The following ORC3 variants were observed in gnomAD, a reference collection of about 807,000 sequenced individuals.
The protein encoded by ORC3 is homolog of latheo, Drosophila.
Under a neutral mutation model 100.7 loss-of-function variants are expected in ORC3, and 78 were observed. That is an observed-to-expected ratio of 0.77 (90% confidence interval 0.65 to 0.94). ORC3 has a LOEUF of 0.94. ORC3 is among the 40% of genes least tolerant of loss of function. The pLI, the probability that ORC3 is intolerant of heterozygous loss-of-function variation, is 0.00. For missense variants in ORC3, 789 were observed against 823.9 expected (o/e 0.96, Z 0.52); for synonymous variants, 295 against 289.3 (o/e 1.02, Z -0.20).
intron 2 of ORC3, among the ~76,000 whole-genome samples, chr6:87,601,485 A>G (rs1439327293): frequency 6.6e-6 from 1 of 152,186 alleles, no homozygotes; most frequent in East Asian, 1.9e-4. Flanking sequence ...AGCCTGGCCA[A>G]CATGGTGAAA....
At chr6:87,605,830 C>G in intron 4 of ORC3, 87 bp from the exon 5 acceptor site, 1 of 688,816 alleles carries the variant, frequency 1.5e-6, no homozygotes, top group Non-Finnish European at 2.5e-6. Flanking sequence ...AATGTTTTTA[C>G]TTGTTTGCTT....
downstream of ORC3, among the ~76,000 whole-genome samples, chr6:87,670,834 A>C (rs1349895318): frequency 6.6e-6 from 1 of 152,244 alleles, no homozygotes; most frequent in Non-Finnish European, 1.5e-5. Flanking sequence ...AGCAGGGCAG[A>C]GCACCAGGAT....
chr6:87,604,402 G>A (rs993881663), intron 4 of ORC3, among the ~76,000 whole-genome samples: 1 of 152,064 alleles, frequency 6.6e-6, no homozygotes, highest in Non-Finnish European at 1.5e-5. Context: ...ATAGTCCCAG[G>A]ACCACACTAA....
chr6:87,612,197 A>AGG lies in ORC3; in HGVS notation c.822_823insGG (p.Leu275GlyfsTer12). The AGG allele has an allele frequency of 6.2e-7, 1 of 1,612,992 alleles. No homozygotes were observed. The highest frequency in any genetic ancestry group is 2.2e-5 in the East Asian group (1 of 44,760). On this transcript the variant is annotated frameshift_variant, in exon 8 of 20. Coordinates refer to ENST00000392844, the MANE Select transcript of ORC3 (RefSeq NM_012381.4). LOFTEE classifies it high-confidence loss of function. ...CAGTATCATCTCTATTGTGCATAGA[A>AGG]CTGTTCCAATCTTTGTCTTGTAAGG... is the stretch of plus-strand genomic sequence containing the variant.
chr6:87,631,869 T>C (rs796129837), intron 11 of ORC3, among the ~76,000 whole-genome samples: 17 of 152,300 alleles, frequency 1.1e-4, no homozygotes, highest in African/African-American at 2.9e-4. Flanking sequence ...TTAAGAATTA[T>C]TGTTTTAAGG....
At chr6:87,592,750 C>T (rs1486049220) in intron 1 of ORC3, among the ~76,000 whole-genome samples, 1 of 152,060 alleles carries the variant, frequency 6.6e-6, no homozygotes, top group East Asian at 1.9e-4. Flanking sequence ...TCCTAGGTAT[C>T]GTTCTTTCAT....
chr6:87,677,559 TA>T, the ORC3 span, among the ~76,000 whole-genome samples: 1 of 152,152 alleles, frequency 6.6e-6, no homozygotes, highest in African/African-American at 2.4e-5. Context: ...CAAATTGAGG[TA>T]AACTACTAAC....
intron 16 of ORC3, among the ~76,000 whole-genome samples, chr6:87,661,200 C>T (rs1351209970): frequency 6.6e-6 from 1 of 152,084 alleles, no homozygotes; most frequent in Non-Finnish European, 1.5e-5. Context: ...GAAATAACTG[C>T]CTGAGGTTAG....
In ORC3 at chr6:87,605,916, G is replaced by T; in HGVS notation, c.323-1G>T. 1.3e-6 allele frequency: 2 copies of T among 1,519,676 alleles called. No homozygotes were observed. The highest frequency in any genetic ancestry group is 2.3e-5 in the South Asian group (2 of 87,646). The allele number at this position is 1,519,676 out of a possible 1,614,324, so 94.1% of individuals were successfully genotyped here. A position where few individuals can be genotyped will look rare whatever the true frequency, so the allele number is the denominator to read the frequency against. On this transcript the variant is annotated splice_acceptor_variant, in intron 4 of 19. Coordinates refer to ENST00000392844, the MANE Select transcript of ORC3 (RefSeq NM_012381.4). LOFTEE classifies it high-confidence loss of function. ...TGTAATATTGATGTATTATCTCATA[G>T]GTGTGAATGTCACAGATCATGATTT... is the stretch of plus-strand genomic sequence containing the variant.
the ORC3 span, chr6:87,675,410 A>G: frequency 1.7e-5 from 12 of 685,800 alleles, no homozygotes; most frequent in East Asian, 2.7e-4. Context: ...GTCCACATCC[A>G]GGTGGTACTG....
intron 1 of ORC3, among the ~76,000 whole-genome samples, chr6:87,592,758 C>G (rs1188251386): frequency 6.6e-6 from 1 of 152,110 alleles, no homozygotes; most frequent in Non-Finnish European, 1.5e-5. Context: ...ATCGTTCTTT[C>G]ATTCTGTCTT....
chr6:87,605,977 A>G lies in ORC3; in HGVS notation c.383A>G (p.Asn128Ser). The change falls in exon 5 of 20, where the codon AAT (asparagine) becomes AGT (serine). Residue 128 changes from asparagine to serine, a missense_variant. Asn to Ser is a conservative substitution (Grantham distance 46, BLOSUM62 1). This residue lies in a region of ORC3 where 399 missense variants were observed against 382.0 expected (regional missense o/e 1.04). Coordinates refer to ENST00000392844, the MANE Select transcript of ORC3 (RefSeq NM_012381.4). ...FGSLTEALQN[N>S]VTPYVVSLQA... ...AGTCTAACAGAGGCCCTTCAGAATAATGTCACACCATATGTAGTCTCATTG... is the reference window on the plus strand; with the variant it reads ...AGTCTAACAGAGGCCCTTCAGAATAGTGTCACACCATATGTAGTCTCATTG... The G allele has an allele frequency of 6.2e-7, 1 of 1,609,556 alleles. No homozygotes were observed. The highest frequency in any genetic ancestry group is 8.5e-7 in the Non-Finnish European group (1 of 1,176,012).
rs1450209312 is a variant in ORC3 at position 87,616,391 on chromosome 6, T to C, written c.951T>C (p.His317=). 2.6e-6 allele frequency: 4 copies of C among 1,532,872 alleles called. No individual in the cohort carries two copies. Among genetic ancestry groups the C allele is most frequent in the Middle Eastern group, 1.7e-4 (1 of 5,870 alleles). The allele number at this position is 1,532,872 out of a possible 1,614,324, so 95.0% of individuals were successfully genotyped here. Residue 317 remains histidine, a synonymous_variant, in exon 9 of 20, where the codon CAT becomes CAC. Coordinates refer to ENST00000392844, the MANE Select transcript of ORC3 (RefSeq NM_012381.4). ...TTCTGACCAACATCTTTTTGTATCA[T>C]GATTTCTCAGTTCAAAACTTTATAA... ...LQVLTNIFLY[H]DFSVQNFIKG...
chr6:87,634,512 C>T (rs1310608576), intron 11 of ORC3, among the ~76,000 whole-genome samples: 1 of 152,148 alleles, frequency 6.6e-6, no homozygotes, highest in Non-Finnish European at 1.5e-5. Context: ...GTGGCACACA[C>T]CAGGTGATGG....
At chr6:87,617,321 G>A (rs1245810873) in intron 9 of ORC3, among the ~76,000 whole-genome samples, 1 of 152,076 alleles carries the variant, frequency 6.6e-6, no homozygotes, top group Non-Finnish European at 1.5e-5. Flanking sequence ...CATGATATAT[G>A]CTGTAACCTA....
chr6:87,640,076 G>T (rs940450240), intron 13 of ORC3, among the ~76,000 whole-genome samples: 36 of 152,074 alleles, frequency 2.4e-4, no homozygotes, highest in African/African-American at 8.7e-4. Context: ...AGTGTGTCAC[G>T]CCTCATGCCT....
intron 12 of ORC3, among the ~76,000 whole-genome samples, chr6:87,635,432 T>A (rs1767739778): frequency 6.6e-6 from 1 of 152,206 alleles, no homozygotes; most frequent in Non-Finnish European, 1.5e-5. Context: ...TAGAGTAGAT[T>A]TTAGCAGAGA....
the ORC3 span, among the ~76,000 whole-genome samples, chr6:87,676,810 C>T: frequency 5.4e-5 from 8 of 147,298 alleles, no homozygotes; most frequent in Non-Finnish European, 1.2e-4. Context: ...GGCATGGTGG[C>T]TTACGCCTGT....
chr6:87,622,743 A>G (rs761424157), intron 11 of ORC3, among the ~76,000 whole-genome samples: 3 of 152,120 alleles, frequency 2.0e-5, no homozygotes, highest in Non-Finnish European at 4.4e-5. Context: ...CATACAAGTA[A>G]TTATATTATA....
Sources: gnomAD v4.1 joint callset for allele counts (sites outside exome capture counted in the v4.1 genomes callset) on GRCh38, gnomAD v4.1.1 for gene constraint, gnomAD v4.1.1 regional missense constraint, MANE v1.5 for transcripts, NCBI Gene and HGNC (gene_info 2026-07-23, HGNC 2026-07-21) for gene names.